Variants in CAGE1 observed in about 807,000 individuals in gnomAD.
CAGE1 encodes the protein cancer-associated gene 1 protein.
CAGE1 carries 66 observed loss-of-function variants against 94.9 expected under a neutral mutation model. That is an observed-to-expected ratio of 0.70 (90% CI 0.57 to 0.85). CAGE1 has a LOEUF of 0.85. Ranked by LOEUF, CAGE1 falls within the 40% of genes least tolerant of loss-of-function variation. CAGE1 has a pLI of 0.00. For synonymous variants in CAGE1, 319 were observed against 321.0 expected (o/e 0.99, Z 0.07); for missense variants, 865 against 950.4 (o/e 0.91, Z 1.18).
chr6:7,345,039 GCC>G (rs1759378872), intron 11 of CAGE1, among the ~76,000 whole-genome samples: 1 of 152,220 alleles, frequency 6.6e-6, no homozygotes, highest in Non-Finnish European at 1.5e-5. Context: ...GGGTGCCCAA[GCC>G]AGCAGCGGCA....
intron 7 of CAGE1, among the ~76,000 whole-genome samples, chr6:7,367,429 C>T (rs1240709213): frequency 6.6e-6 from 1 of 152,066 alleles, no homozygotes. Context: ...TGTGTGCCAC[C>T]ACGCCTGGCT....
chr6:7,342,429 G>C (rs764700669), intron 11 of CAGE1, among the ~76,000 whole-genome samples: 3 of 152,154 alleles, frequency 2.0e-5, no homozygotes, highest in Admixed American at 6.5e-5. Flanking sequence ...TCAACAGCTG[G>C]GTATAGATGC....
chr6:7,336,937 A>C (rs1758973549), intron 11 of CAGE1, among the ~76,000 whole-genome samples: 1 of 152,166 alleles, frequency 6.6e-6, no homozygotes, highest in Non-Finnish European at 1.5e-5. Context: ...AGTTCATTAC[A>C]TCTGGATAGA....
intron 10 of CAGE1, among the ~76,000 whole-genome samples, chr6:7,355,510 C>T (rs890885017): frequency 1.3e-5 from 2 of 152,260 alleles, no homozygotes; most frequent in South Asian, 2.1e-4. Flanking sequence ...TTTAAATTGC[C>T]AACAGCAGAA....
intron 9 of CAGE1, among the ~76,000 whole-genome samples, chr6:7,364,931 T>G (rs1240970897): frequency 6.6e-6 from 1 of 152,240 alleles, no homozygotes; most frequent in Non-Finnish European, 1.5e-5. Context: ...GCTAATTAAC[T>G]CCTATAAAAA....
chr6:7,331,366 CAT>C, intron 12 of CAGE1: 1 of 1,011,066 alleles, frequency 9.9e-7, no homozygotes, highest in Non-Finnish European at 1.4e-6. Flanking sequence ...CCCAGGACAG[CAT>C]ATGAGAACAG....
chr6:7,351,356 T>C (rs879313707), intron 11 of CAGE1, among the ~76,000 whole-genome samples: 3 of 152,062 alleles, frequency 2.0e-5, no homozygotes, highest in Non-Finnish European at 4.4e-5. Flanking sequence ...CACAGCAGAA[T>C]TCTACCAGAC....
chr6:7,370,996 C>A (rs1323841369), intron 5 of CAGE1, among the ~76,000 whole-genome samples: 1 of 152,142 alleles, frequency 6.6e-6, no homozygotes, highest in African/African-American at 2.4e-5. Context: ...AAATAAGGAA[C>A]TTAAAGAAAA....
intron 11 of CAGE1, among the ~76,000 whole-genome samples, chr6:7,336,241 G>A (rs1758948886): frequency 6.6e-6 from 1 of 152,244 alleles, no homozygotes; most frequent in African/African-American, 2.4e-5. Context: ...GAAGGAGGGA[G>A]ATACCCAAGG....
intron 8 of CAGE1, 100 bp from the exon 9 acceptor site, chr6:7,365,675 A>G: frequency 7.0e-7 from 1 of 1,419,498 alleles, no homozygotes; most frequent in South Asian, 1.2e-5. Context: ...AGAGATTATC[A>G]GTGGCTGGAA....
intron 1 of CAGE1, among the ~76,000 whole-genome samples, chr6:7,388,399 C>G (rs953243783): frequency 1.3e-5 from 2 of 152,222 alleles, no homozygotes; most frequent in Non-Finnish European, 1.5e-5. Context: ...TCTTCAGTCT[C>G]TAAATCTCTA....
chr6:7,387,833 C>T (rs1290753518), intron 1 of CAGE1, among the ~76,000 whole-genome samples: 4 of 142,796 alleles, frequency 2.8e-5, no homozygotes, highest in Non-Finnish European at 4.5e-5. Context: ...TCCTGGCTAA[C>T]ACGGTGAAAC....
chr6:7,334,725 C>CAAAAAAAAAAAAA (rs58790989), intron 11 of CAGE1, among the ~76,000 whole-genome samples: 36 of 67,858 alleles, frequency 5.3e-4, no homozygotes, highest in African/African-American at 2.1e-3. Context: ...GACTCTCTCT[C>CAAAAAAAAAAAAA]AAAAAAAAAA....
chr6:7,343,524 CA>C (rs1356719810), intron 11 of CAGE1, among the ~76,000 whole-genome samples: 1 of 152,130 alleles, frequency 6.6e-6, no homozygotes, highest in Non-Finnish European at 1.5e-5. Context: ...AAAACATTTA[CA>C]GGGGCTTCAT....
At chr6:7,356,234 T>G in intron 9 of CAGE1, 105 bp from the exon 10 acceptor site, 2 of 676,936 alleles carry the variant, frequency 3.0e-6, no homozygotes, top group East Asian at 5.5e-5. Flanking sequence ...TATTCCAATA[T>G]TCTTCTAAAC....
chr6:7,330,635 C>T (rs1352563438), intron 12 of CAGE1, among the ~76,000 whole-genome samples: 1 of 152,174 alleles, frequency 6.6e-6, no homozygotes, highest in African/African-American at 2.4e-5. Context: ...TGAGAGGCTG[C>T]AGAGTAAGCT....
At chr6:7,340,062 C>T (rs574114930) in intron 11 of CAGE1, among the ~76,000 whole-genome samples, 26 of 152,090 alleles carry the variant, frequency 1.7e-4, no homozygotes, top group African/African-American at 5.1e-4. Flanking sequence ...CCCTTTTTAC[C>T]GCATCCTTGA....
At chr6:7,336,475 G>A (rs781161911) in intron 11 of CAGE1, among the ~76,000 whole-genome samples, 19 of 151,894 alleles carry the variant, frequency 1.3e-4, no homozygotes, top group Non-Finnish European at 4.4e-5. Context: ...AGTATAATGA[G>A]TGCTTTGATT....
At chr6:7,365,310 T>G (rs1224108993) in intron 9 of CAGE1, among the ~76,000 whole-genome samples, 158 bp downstream of exon 9, 1 of 152,204 alleles carries the variant, frequency 6.6e-6, no homozygotes, top group Non-Finnish European at 1.5e-5. Flanking sequence ...AATGCAAACT[T>G]CGATTCTATA....
Sources: allele counts gnomAD v4.1 joint callset (sites outside exome capture counted in the v4.1 genomes callset), GRCh38; gene constraint gnomAD v4.1.1; transcripts MANE v1.5; gene names NCBI Gene and HGNC (gene_info 2026-07-23, HGNC 2026-07-21).